JAK3: variants seen among roughly 807,000 people sequenced by gnomAD.
JAK3 encodes tyrosine-protein kinase JAK3.
Under a neutral mutation model 120.8 loss-of-function variants are expected in JAK3, and 88 were observed. The ratio of observed to expected loss-of-function variants is 0.73; its 90% CI spans 0.61 to 0.87. JAK3 has a LOEUF of 0.87. JAK3 is among the 40% of genes least tolerant of loss of function. The pLI, the probability that JAK3 is intolerant of heterozygous loss-of-function variation, is 0.00. For synonymous variants in JAK3, 592 were observed against 628.6 expected, an observed-to-expected ratio of 0.94 and a Z score of 0.87; for missense variants, 1,254 against 1,501.4, an observed-to-expected ratio of 0.84 and a Z score of 2.72.
chr19:17,840,360 G>A lies in JAK3; in HGVS notation c.1143-19C>T, dbSNP rs768861640. On this transcript the variant is annotated intron_variant, in intron 8 of 23. Coordinates refer to ENST00000458235, the MANE Select transcript of JAK3 (RefSeq NM_000215.4). ...GTCCAGACTGTGGGGGAAGGTGAGA[G>A]GGAATGGGGAGGAGTCAGAGATAGA... 49 of 1,526,716 alleles carry A rather than the reference G, an allele frequency of 3.2e-5. 1 individual carries two copies. In the South Asian group the frequency reaches 4.5e-4, roughly 14 times the overall value. 94.6% of individuals were successfully genotyped at this position (1,526,716 alleles called of 1,614,324 possible). A position where few individuals can be genotyped will look rare whatever the true frequency, so the allele number is the denominator to read the frequency against.
intron 8 of JAK3, among the ~76,000 whole-genome samples, chr19:17,840,927 C>T (rs2094236879): frequency 6.6e-6 from 1 of 151,998 alleles, no homozygotes; most frequent in African/African-American, 2.4e-5. Flanking sequence ...AAGTGATCCT[C>T]CTGCCTCAGC....
chr19:17,834,451 G>A (rs1950107400), intron 17 of JAK3, 120 bp downstream of exon 17: 1 of 1,098,148 alleles, frequency 9.1e-7, no homozygotes. Context: ...GACTGTCACA[G>A]TCACCAACCC....
In JAK3 at chr19:17,842,353, C is replaced by G. The variant is rs756412780; in HGVS notation, c.824G>C (p.Gly275Ala). The G allele has an allele frequency of 6.3e-7, 1 of 1,590,950 alleles. No homozygotes were observed. Among genetic ancestry groups the G allele is most frequent in the Admixed American group, 1.7e-5 (1 of 58,778 alleles). The change falls in exon 6 of 24, where the codon GGT (glycine) becomes GCT (alanine). Residue 275 changes from glycine to alanine, a missense_variant. By Grantham distance (60) the Gly-to-Ala change is moderately conservative (BLOSUM62 0). Around this residue, in one of 3 missense-constraint regions of JAK3, gnomAD observed 486 missense variants for 503.0 expected, o/e 0.97. Transcript: ENST00000458235. This position sits in a 1 kb window ranked among gnomAD's most constrained non-coding sequence, Gnocchi z 6.4. Reference protein sequence around the residue: ...HDGLGLLRVAGDGGIAWTQGE... With the variant: ...HDGLGLLRVAADGGIAWTQGE... ...CTGGGTCCAGGCGATGCCGCCGTCA[C>G]CAGCCACGCGGAGCAGCCCCAGCCC...
At position 17,842,266 on chromosome 19, in the gene JAK3, C is replaced by T. The variant is rs751213624; in HGVS notation, c.861+50G>A. 1.4e-6 allele frequency: 2 copies of T among 1,404,014 alleles called. No homozygotes were observed. The highest frequency in any genetic ancestry group is 9.5e-7 in the Non-Finnish European group (1 of 1,056,534). 87.0% of individuals were successfully genotyped at this position (1,404,014 alleles called of 1,614,324 possible). ...CCCCTACCACTCTCCGGCCCCTCCC[C>T]GAGCCCCGCCCCCACGTTGGCCCCG... On this transcript the variant is annotated intron_variant, in intron 6 of 23. Transcript: ENST00000458235. The surrounding 1 kb of genome is among the most constrained non-coding windows in gnomAD (Gnocchi z 6.4).
rs1490273737 is a variant in JAK3 at position 17,834,609 on chromosome 19, C to G, written c.2312G>C (p.Arg771Pro). 3 of 1,613,816 alleles carry G rather than the reference C, an allele frequency of 1.9e-6. No individual in the cohort carries two copies. Among genetic ancestry groups the G allele is most frequent in the African/African-American group, 1.3e-5 (1 of 74,888 alleles). The change falls in exon 17 of 24, where the codon CGA becomes CCA. Residue 771 changes from arginine to proline, a missense_variant. By Grantham distance (103) the Arg-to-Pro change is moderately radical. Coordinates refer to ENST00000458235, the MANE Select transcript of JAK3 (RefSeq NM_000215.4). Reference protein sequence around the residue: ...AYEPVQRPSFRAVIRDLNSLI... With the variant: ...AYEPVQRPSFPAVIRDLNSLI... The stretch of plus-strand genomic sequence containing the variant: ...GCTATTGAGGTCACGAATGACGGCT[C>G]GGAAGGAGGGCCTCTGGACCGGCTC...
chr19:17,830,376 T>G, intron 22 of JAK3, 127 bp downstream of exon 22: 1 of 926,630 alleles, frequency 1.1e-6, no homozygotes, highest in Non-Finnish European at 1.7e-6. Flanking sequence ...TCCTCCCCAC[T>G]GGGGCCTATG....
At chr19:17,829,899 T>G in intron 23 of JAK3, 1 of 631,386 alleles carries the variant, frequency 1.6e-6, no homozygotes, top group Non-Finnish European at 2.9e-6. Context: ...GGCATTACTA[T>G]TCTCATTTTG....
At position 17,841,840 on chromosome 19, in the gene JAK3, C is replaced by A. The variant is rs2147695907; in HGVS notation, c.862-78G>T. 1 of 1,580,690 alleles carries A rather than the reference C, an allele frequency of 6.3e-7. No individual in the cohort carries two copies. The highest frequency in any genetic ancestry group is 2.2e-5 in the East Asian group (1 of 44,620). On this transcript the variant is annotated intron_variant, in intron 6 of 23. Transcript: ENST00000458235. The surrounding 1 kb of genome is among the most constrained non-coding windows in gnomAD (Gnocchi z 4.1). Reference sequence around the variant, plus strand: ...CACGCCCATGAACCCACCCCCAAGCCACACCATCCACTCCCTATCCCTTTG... The same window carrying A: ...CACGCCCATGAACCCACCCCCAAGCAACACCATCCACTCCCTATCCCTTTG...
Position 17,842,852 on chromosome 19 carries a change from C to T in JAK3, c.566+175G>A, listed in dbSNP as rs1235061780. The T allele has an allele frequency of 7.3e-6, 7 of 956,880 alleles. No homozygotes were observed. The highest frequency in any genetic ancestry group is 7.9e-6 in the Non-Finnish European group (5 of 631,140). The allele number at this position is 956,880 out of a possible 1,614,324, so 59.3% of individuals were successfully genotyped here. ...CTTTTAGCTGGGGGAGGTCAGGTGT[C>T]TGTCCAGCTGGAGCCTGGGGGTGGA... On this transcript the variant is annotated intron_variant, in intron 5 of 23. Coordinates refer to ENST00000458235, the MANE Select transcript of JAK3 (RefSeq NM_000215.4). This position sits in a 1 kb window ranked among gnomAD's most constrained non-coding sequence, Gnocchi z 6.4.
intron 10 of JAK3, chr19:17,839,202 G>A (rs1455712287): frequency 6.8e-6 from 4 of 591,804 alleles, no homozygotes; most frequent in Admixed American, 6.5e-5. Flanking sequence ...TCCCATCAGA[G>A]GGGTTTGTCC....
intron 1 of JAK3, among the ~76,000 whole-genome samples, chr19:17,845,788 A>T (rs2094250770): frequency 6.6e-6 from 1 of 151,998 alleles, no homozygotes; most frequent in African/African-American, 2.4e-5. Flanking sequence ...ATCCAAAATA[A>T]TGCCCTGTGG....
Position 17,831,190 on chromosome 19 carries a change from T to C in JAK3, c.2978+38A>G, listed in dbSNP as rs746596130. 2.5e-6 allele frequency: 4 copies of C among 1,581,252 alleles called. No individual in the cohort carries two copies. The African/African-American group carries it at 5.8e-5, about 23-fold the overall frequency. On this transcript the variant is annotated intron_variant, in intron 21 of 23. Transcript: ENST00000458235. This position sits in a 1 kb window ranked among gnomAD's most constrained non-coding sequence, Gnocchi z 5.1. ...ATGGCTGGGGGCGGAGCCAGAGCCGTGGGGAATAGGGGCGGAGCCTAGGCG... is the reference window on the plus strand; with the variant it reads ...ATGGCTGGGGGCGGAGCCAGAGCCGCGGGGAATAGGGGCGGAGCCTAGGCG...
At chr19:17,836,979 G>GACATAAAT in intron 13 of JAK3, 150 bp downstream of exon 13, 1 of 701,944 alleles carries the variant, frequency 1.4e-6, no homozygotes. Context: ...ATGATGGAGA[G>GACATAAAT]ACATAAATAA....
chr19:17,829,826 G>A (rs1033438562), intron 23 of JAK3: 4 of 535,464 alleles, frequency 7.5e-6, no homozygotes, highest in South Asian at 2.8e-5. Flanking sequence ...CTGTGTGCTC[G>A]GCTTTGAGCT....
At chr19:17,844,862 G>A (rs1180885732) in intron 1 of JAK3, among the ~76,000 whole-genome samples, 5 of 151,502 alleles carry the variant, frequency 3.3e-5, no homozygotes, top group African/African-American at 7.3e-5. Context: ...GATGGGCCCA[G>A]GAGGAAACTG....
rs1326851056 is a variant in JAK3 at position 17,843,402 on chromosome 19, A to T, written c.398T>A (p.Val133Asp). 2.5e-6 allele frequency: 4 copies of T among 1,595,812 alleles called. No homozygotes were observed. In the South Asian group the frequency reaches 4.5e-5, roughly 18 times the overall value. Residue 133 changes from valine to aspartate, a missense_variant, in exon 4 of 24, where the codon GTC (valine) becomes GAC (aspartate). Coordinates refer to ENST00000458235, the MANE Select transcript of JAK3 (RefSeq NM_000215.4). This position sits in a 1 kb window ranked among gnomAD's most constrained non-coding sequence, Gnocchi z 5.4. ...DLASAILDLP[V>D]LEHLFAQHRS... is the part of the protein sequence containing the mutation. ...CACCTGGGCAAAGAGGTGCTCCAGG[A>T]CTGGCAGGTCAAGGATAGCACTGGC...
chr19:17,833,836 G>C (rs1005033934), intron 17 of JAK3, among the ~76,000 whole-genome samples: 1 of 152,070 alleles, frequency 6.6e-6, no homozygotes, highest in Non-Finnish European at 1.5e-5. Flanking sequence ...CTAGGTGACA[G>C]AGGGAGATAG....
At position 17,841,016 on chromosome 19, in the gene JAK3, C is replaced by T. The variant is rs749867994; in HGVS notation, c.1142+373G>A. ...CTTTTTTTGTAGAGATGGGGTCTCT[C>T]CTGTTGCCTAGACTTGTCTCCAACT... On this transcript the variant is annotated intron_variant, in intron 8 of 23. Coordinates refer to ENST00000458235, the MANE Select transcript of JAK3 (RefSeq NM_000215.4). This position sits in a 1 kb window ranked among gnomAD's most constrained non-coding sequence, Gnocchi z 4.1. Among the ~76,000 whole-genome samples, 8 of 151,900 alleles carry T rather than the reference C, an allele frequency of 5.3e-5. No individual in the cohort carries two copies. Among genetic ancestry groups the T allele is most frequent in the Non-Finnish European group, 1.2e-4 (8 of 68,000 alleles).
At chr19:17,828,216 T>C (rs183244744) in intron 23 of JAK3, among the ~76,000 whole-genome samples, 1 of 119,100 alleles carries the variant, frequency 8.4e-6, no homozygotes, top group East Asian at 2.6e-4. Flanking sequence ...ATCACTACCA[T>C]AATTTTGTCT....
Sources: allele counts gnomAD v4.1 joint callset (sites outside exome capture counted in the v4.1 genomes callset), GRCh38; gene constraint gnomAD v4.1.1; regional missense constraint gnomAD v4.1.1; non-coding constraint Gnocchi (gnomAD v3.1); transcripts MANE v1.5; gene names NCBI Gene and HGNC (gene_info 2026-07-23, HGNC 2026-07-21).